The following NMNAT3 variants were observed in gnomAD, a reference collection of about 807,000 sequenced individuals.
The protein encoded by NMNAT3 is nicotinamide/nicotinic acid mononucleotide adenylyltransferase 3.
A neutral mutation model predicts 24.8 loss-of-function variants in NMNAT3; 21 were observed. The ratio of observed to expected loss-of-function variants is 0.85; its 90% CI spans 0.60 to 1.22. The LOEUF (loss-of-function observed/expected upper bound fraction) is 1.22, where lower values mean the gene tolerates loss of function less well. NMNAT3 is among the 50% of genes most tolerant of loss of function. NMNAT3 has a pLI of 0.00. For synonymous variants in NMNAT3, 136 were observed against 155.2 expected (o/e 0.88, Z 0.92); for missense variants, 387 against 436.6 (o/e 0.89, Z 1.01).
intron 2 of NMNAT3, among the ~76,000 whole-genome samples, chr3:139,631,974 C>T (rs2056318517): frequency 6.6e-6 from 1 of 151,898 alleles, no homozygotes; most frequent in African/African-American, 2.4e-5. Context: ...TTTTAAGAGA[C>T]AGGGTCCCAC....
chr3:139,587,650 C>T (rs116790594), intron 3 of NMNAT3, among the ~76,000 whole-genome samples: 3,969 of 152,202 alleles, frequency 0.026, 186 homozygotes, highest in African/African-American at 0.088. Flanking sequence ...CTTGAAGTGA[C>T]ATATTTTTTC....
intron 3 of NMNAT3, chr3:139,583,661 T>A (rs905785813): frequency 5.7e-6 from 5 of 875,452 alleles, no homozygotes; most frequent in Non-Finnish European, 9.5e-6. Flanking sequence ...TGGAAGTAGT[T>A]TGTGACTGTT....
At chr3:139,572,346 G>A (rs1263243217) in intron 6 of NMNAT3, 5 of 396,258 alleles carry the variant, frequency 1.3e-5, no homozygotes, top group Non-Finnish European at 1.8e-5. Flanking sequence ...GAGAGGACAG[G>A]CAGACAGAAA....
At chr3:139,595,442 A>G (rs2108192783) in intron 3 of NMNAT3, among the ~76,000 whole-genome samples, 1 of 152,344 alleles carries the variant, frequency 6.6e-6, no homozygotes, top group East Asian at 1.9e-4. Flanking sequence ...GACTTTCTTC[A>G]CAGAATTGGA....
chr3:139,567,706 G>A (rs1937470416), intron 6 of NMNAT3: 1 of 152,166 alleles, frequency 6.6e-6, no homozygotes, highest in African/African-American at 2.4e-5. Context: ...TGATCATGGT[G>A]GATATGCTTT....
intron 1 of NMNAT3, among the ~76,000 whole-genome samples, chr3:139,666,515 A>C (rs2057587449): frequency 6.6e-6 from 1 of 152,204 alleles, no homozygotes; most frequent in South Asian, 2.1e-4. Context: ...AACTTGTGAT[A>C]TTTTGCTACA....
chr3:139,580,571 C>T (rs1940034630), intron 4 of NMNAT3, among the ~76,000 whole-genome samples: 1 of 152,192 alleles, frequency 6.6e-6, no homozygotes, highest in South Asian at 2.1e-4. Context: ...TGGTGTTGCA[C>T]ATACAGACAG....
intron 1 of NMNAT3, among the ~76,000 whole-genome samples, chr3:139,664,794 T>C (rs1167414719): frequency 6.6e-6 from 1 of 152,238 alleles, no homozygotes; most frequent in Admixed American, 6.5e-5. Context: ...ACTATCAATC[T>C]TTCTTGTGAA....
chr3:139,660,913 A>G (rs1035808890), intron 1 of NMNAT3, among the ~76,000 whole-genome samples: 65 of 152,364 alleles, frequency 4.3e-4, no homozygotes, highest in Admixed American at 1.0e-3. Flanking sequence ...AGAATTTGCT[A>G]AAGAAAACGT....
intron 3 of NMNAT3, chr3:139,599,445 A>G (rs1254073051): frequency 1.4e-6 from 1 of 700,988 alleles, no homozygotes; most frequent in Non-Finnish European, 2.6e-6. Context: ...ACCCTGGGAA[A>G]CAAAGGCCTT....
chr3:139,675,135 T>TACACACACACACACACAA (rs1553766850), intron 1 of NMNAT3, among the ~76,000 whole-genome samples: 2 of 148,228 alleles, frequency 1.3e-5, no homozygotes, highest in Non-Finnish European at 3.0e-5. Context: ...CTTTTAAACA[T>TACACACACACACACACAA]ACACACACAC....
At chr3:139,627,568 A>C (rs1336939807) in intron 3 of NMNAT3, 48 bp downstream of exon 4, 7 of 1,119,978 alleles carry the variant, frequency 6.3e-6, no homozygotes, top group Non-Finnish European at 8.8e-6. Flanking sequence ...AGCCCCATGA[A>C]GCCTAACCCA....
chr3:139,657,509 G>A (rs1208299998), intron 1 of NMNAT3, among the ~76,000 whole-genome samples: 11 of 152,150 alleles, frequency 7.2e-5, no homozygotes, highest in Admixed American at 7.2e-4. Context: ...GGTGTGTAGT[G>A]GGGTGTGTGC....
chr3:139,653,285 C>G (rs1444021700), intron 1 of NMNAT3, among the ~76,000 whole-genome samples: 2 of 152,014 alleles, frequency 1.3e-5, no homozygotes, highest in Non-Finnish European at 1.5e-5. Context: ...TCTTACACCT[C>G]TCAATGTGCC....
At chr3:139,599,002 C>T in intron 3 of NMNAT3, 1 of 313,206 alleles carries the variant, frequency 3.2e-6, no homozygotes, top group Non-Finnish European at 5.9e-6. Context: ...GAAAAACTGC[C>T]CCTTCTAGAG....
intron 3 of NMNAT3, among the ~76,000 whole-genome samples, chr3:139,624,659 G>A (rs1161512249): frequency 1.3e-5 from 2 of 152,154 alleles, no homozygotes; most frequent in African/African-American, 4.8e-5. Context: ...ATGTTGGCCA[G>A]GCTGGTCTCA....
At chr3:139,662,182 C>T (rs534139649) in intron 1 of NMNAT3, among the ~76,000 whole-genome samples, 93 of 152,254 alleles carry the variant, frequency 6.1e-4, no homozygotes, top group African/African-American at 2.2e-3. Context: ...CTCTCCCAGG[C>T]CTCCTTCCAG....
At chr3:139,590,800 T>A (rs945508875) in intron 3 of NMNAT3, among the ~76,000 whole-genome samples, 2 of 152,234 alleles carry the variant, frequency 1.3e-5, no homozygotes, top group Admixed American at 6.5e-5. Flanking sequence ...TGTATTTTTT[T>A]ATACTTTTCT....
intron 1 of NMNAT3, among the ~76,000 whole-genome samples, chr3:139,641,112 G>C (rs2056687134): frequency 1.3e-5 from 2 of 152,078 alleles, no homozygotes; most frequent in Non-Finnish European, 2.9e-5. Context: ...ACTACAACTG[G>C]CAGAACATGT....
Sources: allele counts gnomAD v4.1 joint callset (sites outside exome capture counted in the v4.1 genomes callset), GRCh38; gene constraint gnomAD v4.1.1; transcripts MANE v1.5; gene names NCBI Gene and HGNC (gene_info 2026-07-23, HGNC 2026-07-21).